The following ANK3 variants were observed in gnomAD, a reference collection of about 807,000 sequenced individuals.
The protein encoded by ANK3 is ankyrin 3.
A neutral mutation model predicts 370.9 loss-of-function variants in ANK3; 57 were observed. The observed-to-expected ratio is 0.15, with a 90% CI of 0.12 to 0.19. The LOEUF is 0.19. Ranked by LOEUF, ANK3 falls within the 10% of genes least tolerant of loss-of-function variation. The pLI is 1.00. For synonymous variants in ANK3, 1,929 were observed against 1,946.3 expected, an observed-to-expected ratio of 0.99 and a Z score of 0.23; for missense variants, 4,439 against 5,302.1, an observed-to-expected ratio of 0.84 and a Z score of 5.06.
rs147595843 is a variant in ANK3 at position 60,382,053 on chromosome 10, C to T, written c.114+7372G>A. Among the ~76,000 whole-genome samples, 402 of 152,190 alleles carry T rather than the reference C, an allele frequency of 2.6e-3. 1 individual carries two copies. Among genetic ancestry groups the T allele is most frequent in the African/African-American group, 9.2e-3 (384 of 41,528 alleles). On this transcript the variant is annotated intron_variant, in intron 1 of 43. Transcript: ENST00000280772. ...TGTATAGATGTCTTACAAAATTGTACTTTATTAGGGTAAAAGAATGCTATT... is the reference window on the plus strand; with the variant it reads ...TGTATAGATGTCTTACAAAATTGTATTTTATTAGGGTAAAAGAATGCTATT...
chr10:60,634,110 T>C (rs2078520481), intron 1 of ANK3, among the ~76,000 whole-genome samples: 1 of 152,210 alleles, frequency 6.6e-6, no homozygotes, highest in Admixed American at 6.5e-5. Context: ...GATTCACTAA[T>C]TCTGTATAAT....
intron 1 of ANK3, among the ~76,000 whole-genome samples, chr10:60,703,346 G>T (rs2079570378): frequency 6.6e-6 from 1 of 152,138 alleles, no homozygotes; most frequent in African/African-American, 2.4e-5. Context: ...GGGCTGAAAT[G>T]TTAAGAAGTC....
At chr10:60,575,662 A>G (rs912614696) in intron 2 of ANK3, among the ~76,000 whole-genome samples, 4 of 152,314 alleles carry the variant, frequency 2.6e-5, no homozygotes, top group African/African-American at 9.6e-5. Context: ...TACATCTCTG[A>G]AACTGTGTTA....
chr10:60,080,648 A>G, intron 35 of ANK3, 30 bp from the exon 36 acceptor site: 3 of 1,514,114 alleles, frequency 2.0e-6, no homozygotes, highest in Non-Finnish European at 2.7e-6. Context: ...AGACAACTCT[A>G]TTTCCAACTT....
At chr10:60,599,448 A>C (rs900792049) in intron 2 of ANK3, among the ~76,000 whole-genome samples, 2 of 152,192 alleles carry the variant, frequency 1.3e-5, no homozygotes, top group Non-Finnish European at 2.9e-5. Context: ...AACATTACTC[A>C]CATGAAAGGC....
intron 1 of ANK3, among the ~76,000 whole-genome samples, chr10:60,712,546 G>A (rs553179330): frequency 1.1e-4 from 17 of 152,252 alleles, no homozygotes; most frequent in African/African-American, 3.9e-4. Flanking sequence ...CTCAATACCA[G>A]AGAAGAAACA....
chr10:60,662,806 T>A (rs529502511), intron 1 of ANK3, among the ~76,000 whole-genome samples: 1 of 152,170 alleles, frequency 6.6e-6, no homozygotes, highest in Non-Finnish European at 1.5e-5. Flanking sequence ...TCAAAAGATA[T>A]CTGTTGAATG....
At chr10:60,290,978 A>G (rs781374489) in intron 1 of ANK3, among the ~76,000 whole-genome samples, 31 of 152,178 alleles carry the variant, frequency 2.0e-4, no homozygotes, top group Non-Finnish European at 3.8e-4. Context: ...TCTGGTTTAC[A>G]TCAAAAGGAG....
chr10:60,049,146 T>A (rs1402153668), intron 42 of ANK3, among the ~76,000 whole-genome samples: 1 of 152,244 alleles, frequency 6.6e-6, no homozygotes, highest in Non-Finnish European at 1.5e-5. Flanking sequence ...TTATAACTAT[T>A]TTTTAGCCTT....
At chr10:60,725,788 G>A (rs984033889) in intron 1 of ANK3, among the ~76,000 whole-genome samples, 11 of 151,974 alleles carry the variant, frequency 7.2e-5, no homozygotes, top group Non-Finnish European at 1.5e-4. Flanking sequence ...TCTAACTATT[G>A]TCCCCCCATC....
At chr10:60,459,597 G>A (rs1289774092) in intron 2 of ANK3, among the ~76,000 whole-genome samples, 1 of 152,038 alleles carries the variant, frequency 6.6e-6, no homozygotes, top group Non-Finnish European at 1.5e-5. Flanking sequence ...TTCTCTTTCT[G>A]ACTGATTGCT....
chr10:60,628,698 C>T (rs1051652247), intron 1 of ANK3, among the ~76,000 whole-genome samples: 3 of 152,122 alleles, frequency 2.0e-5, no homozygotes, highest in Non-Finnish European at 4.4e-5. Context: ...AATAAATAAA[C>T]CAGATCACAA....
chr10:60,039,451 T>A (rs2075721395), intron 43 of ANK3, among the ~76,000 whole-genome samples: 1 of 152,206 alleles, frequency 6.6e-6, no homozygotes, highest in Admixed American at 6.5e-5. Flanking sequence ...AAGTCTTGCT[T>A]TGTTTAAGAA....
chr10:60,040,245 T>C (rs747321632), intron 43 of ANK3, among the ~76,000 whole-genome samples: 1 of 151,972 alleles, frequency 6.6e-6, no homozygotes, highest in Non-Finnish European at 1.5e-5. Context: ...GATGTTACCA[T>C]CTAAGACTCA....
chr10:60,581,922 C>A (rs555988035), intron 2 of ANK3, among the ~76,000 whole-genome samples: 1 of 152,178 alleles, frequency 6.6e-6, no homozygotes, highest in Admixed American at 6.5e-5. Context: ...ACATATACAC[C>A]ATGGAATACT....
intron 1 of ANK3, among the ~76,000 whole-genome samples, chr10:60,725,840 C>G (rs1564626347): frequency 6.6e-6 from 1 of 152,128 alleles, no homozygotes; most frequent in Non-Finnish European, 1.5e-5. Flanking sequence ...GAGCCTAAAG[C>G]TTGGAAAATG....
chr10:60,195,466 C>T (rs532296829), intron 16 of ANK3, among the ~76,000 whole-genome samples: 1 of 151,036 alleles, frequency 6.6e-6, no homozygotes, highest in South Asian at 2.1e-4. Context: ...AGCGAAATAA[C>T]TGAACAACAC....
rs560615683 is a variant in ANK3, at chr10:60,480,030, G to A, written c.96+135156C>T. Among the ~76,000 whole-genome samples, 65 of 152,226 alleles carry A rather than the reference G, an allele frequency of 4.3e-4. 1 individual carries two copies. Among genetic ancestry groups the A allele is most frequent in the African/African-American group, 1.5e-3 (63 of 41,526 alleles). ...ACAAAAAGCTGGCGGGCACTGCCTTGGTGAAACAAAACTATTGTTCAGGAA... is the reference window on the plus strand; with the variant it reads ...ACAAAAAGCTGGCGGGCACTGCCTTAGTGAAACAAAACTATTGTTCAGGAA... On this transcript the variant is annotated intron_variant, in intron 2 of 43. Transcript: ENST00000373827.
chr10:60,631,044 A>G (rs934449891), intron 1 of ANK3, among the ~76,000 whole-genome samples: 6 of 152,164 alleles, frequency 3.9e-5, no homozygotes, highest in African/African-American at 7.2e-5. Flanking sequence ...GGAATCAATT[A>G]TGACTCCCAG....
Sources: allele counts gnomAD v4.1 joint callset (sites outside exome capture counted in the v4.1 genomes callset), GRCh38; gene constraint gnomAD v4.1.1; transcripts MANE v1.5; gene names NCBI Gene and HGNC (gene_info 2026-07-23, HGNC 2026-07-21).